Variants in ENTREP2 observed in about 807,000 individuals in gnomAD.
ENTREP2 encodes the protein endosomal transmembrane epsin interactor 2.
the ENTREP2 span, among the ~76,000 whole-genome samples, chr15:29,494,138 T>C: frequency 6.6e-6 from 1 of 152,018 alleles, no homozygotes; most frequent in South Asian, 2.1e-4. Flanking sequence ...GACAGAATGA[T>C]TACATATAAA....
At chr15:29,209,108 G>C in the ENTREP2 span, among the ~76,000 whole-genome samples, 1 of 152,120 alleles carries the variant, frequency 6.6e-6, no homozygotes, top group African/African-American at 2.4e-5. Flanking sequence ...TGGTTCCATG[G>C]GTTTGTTCAC....
the ENTREP2 span, among the ~76,000 whole-genome samples, chr15:29,168,352 C>T: frequency 1.3e-5 from 2 of 152,204 alleles, no homozygotes; most frequent in African/African-American, 4.8e-5. Flanking sequence ...AAACCTACTA[C>T]ACATAGTTAC....
chr15:29,290,455 C>T, the ENTREP2 span, among the ~76,000 whole-genome samples: 1 of 152,212 alleles, frequency 6.6e-6, no homozygotes, highest in African/African-American at 2.4e-5. Context: ...AGGTTTTGAA[C>T]GAGTTTTACT....
the ENTREP2 span, among the ~76,000 whole-genome samples, chr15:29,338,799 T>A: frequency 2.0e-5 from 3 of 152,302 alleles, no homozygotes; most frequent in East Asian, 5.8e-4. Context: ...AAAGTAAGGT[T>A]TTTAAAAATA....
At chr15:29,667,560 C>G in the ENTREP2 span, among the ~76,000 whole-genome samples, 5 of 137,836 alleles carry the variant, frequency 3.6e-5, no homozygotes, top group Admixed American at 4.0e-4. Flanking sequence ...GGCGTGTGGT[C>G]TCAGCTCACT....
chr15:29,172,634 T>C, the ENTREP2 span, among the ~76,000 whole-genome samples: 8 of 152,258 alleles, frequency 5.3e-5, no homozygotes, highest in South Asian at 6.2e-4. Flanking sequence ...ACAGGGTCCC[T>C]TGCCCTTCAT....
the ENTREP2 span, among the ~76,000 whole-genome samples, chr15:29,211,005 A>G: frequency 1.3e-5 from 2 of 152,220 alleles, no homozygotes; most frequent in Admixed American, 6.5e-5. Context: ...ATGGGTATGA[A>G]CTGTGCAGGT....
At chr15:29,435,661 T>G in the ENTREP2 span, among the ~76,000 whole-genome samples, 1 of 152,010 alleles carries the variant, frequency 6.6e-6, no homozygotes, top group African/African-American at 2.4e-5. Context: ...TTGCTGCATA[T>G]ATATATACAC....
the ENTREP2 span, among the ~76,000 whole-genome samples, chr15:29,553,056 G>A: frequency 1.3e-5 from 2 of 152,248 alleles, no homozygotes; most frequent in South Asian, 4.1e-4. Flanking sequence ...AACACTTTGG[G>A]AGGCCAAGGC....
chr15:29,407,957 G>A, the ENTREP2 span, among the ~76,000 whole-genome samples: 1 of 152,150 alleles, frequency 6.6e-6, no homozygotes, highest in African/African-American at 2.4e-5. Flanking sequence ...TGGGATTACA[G>A]GCCTGAGCCA....
chr15:29,274,972 C>T, the ENTREP2 span, among the ~76,000 whole-genome samples: 1 of 152,204 alleles, frequency 6.6e-6, no homozygotes, highest in Admixed American at 6.5e-5. Flanking sequence ...ACAGAATTCA[C>T]TTGGCTTTGA....
the ENTREP2 span, among the ~76,000 whole-genome samples, chr15:29,504,581 G>C: frequency 6.6e-6 from 1 of 152,210 alleles, no homozygotes; most frequent in African/African-American, 2.4e-5. Context: ...GAACTGAAGC[G>C]TGTGTTTCCA....
the ENTREP2 span, among the ~76,000 whole-genome samples, chr15:29,215,913 G>GT: frequency 6.6e-6 from 1 of 152,120 alleles, no homozygotes; most frequent in Admixed American, 6.5e-5. Context: ...CTGTGGTTCT[G>GT]TATCTTTTAA....
the ENTREP2 span, among the ~76,000 whole-genome samples, chr15:29,585,579 G>A: frequency 3.9e-5 from 6 of 152,150 alleles, no homozygotes; most frequent in Non-Finnish European, 8.8e-5. Flanking sequence ...ACCACAGGCC[G>A]GGCGCGGTGG....
chr15:29,464,933 G>A, the ENTREP2 span, among the ~76,000 whole-genome samples: 1 of 152,144 alleles, frequency 6.6e-6, no homozygotes, highest in Non-Finnish European at 1.5e-5. Flanking sequence ...CTTTTAAAGC[G>A]AACAGATGAA....
chr15:29,556,995 G>A, the ENTREP2 span, among the ~76,000 whole-genome samples: 8 of 152,170 alleles, frequency 5.3e-5, no homozygotes, highest in East Asian at 1.9e-4. Context: ...TTCCTTCTTC[G>A]AAGCTGATAA....
the ENTREP2 span, among the ~76,000 whole-genome samples, chr15:29,205,612 A>G: frequency 6.6e-6 from 1 of 152,146 alleles, no homozygotes; most frequent in Admixed American, 6.5e-5. Context: ...GGCCATTTGT[A>G]TATATTATTT....
the ENTREP2 span, among the ~76,000 whole-genome samples, chr15:29,134,544 A>G: frequency 6.6e-6 from 1 of 152,136 alleles, no homozygotes; most frequent in African/African-American, 2.4e-5. Flanking sequence ...TGTGGTATAT[A>G]TGACTCCCCA....
chr15:29,136,094 C>G, the ENTREP2 span, among the ~76,000 whole-genome samples: 1 of 152,256 alleles, frequency 6.6e-6, no homozygotes, highest in African/African-American at 2.4e-5. Context: ...CTGGGTTCCC[C>G]AGGCCCGGGC....
Sources: allele counts gnomAD v4.1 joint callset (sites outside exome capture counted in the v4.1 genomes callset), GRCh38; gene constraint gnomAD v4.1.1; transcripts MANE v1.5; gene names NCBI Gene and HGNC (gene_info 2026-07-23, HGNC 2026-07-21).